Variants in DOCK2 observed in about 807,000 individuals in gnomAD.
The protein encoded by DOCK2 is dedicator of cytokinesis protein 2.
DOCK2 carries 87 observed loss-of-function variants against 248.9 expected under a neutral mutation model. That is an observed-to-expected ratio of 0.35 (90% CI 0.29 to 0.42). DOCK2 has a LOEUF of 0.42. Among genes scored for constraint, DOCK2 ranks in the 10% least tolerant of loss-of-function variants. The probability of loss-of-function intolerance (pLI) is 1.00; values close to 1 mark genes in which losing one functional copy is unlikely to be tolerated. For missense variants in DOCK2, 1,747 were observed against 2,300.2 expected (o/e 0.76, Z 4.92); for synonymous variants, 805 against 821.6 (o/e 0.98, Z 0.35).
At position 170,050,410 on chromosome 5, in the gene DOCK2, A is replaced by C; in HGVS notation, c.4213+13A>C. ...GCCCCAGGCCAGTGTATCCTTGGAG[A>C]ATGCCCTAGCCAAGGGGCCAGACCT... On this transcript the variant is annotated intron_variant, in intron 41 of 51. Transcript: ENST00000520908. 6.2e-7 allele frequency: 1 copy of C among 1,612,828 alleles called. No individual in the cohort carries two copies. The highest frequency in any genetic ancestry group is 8.5e-7 in the Non-Finnish European group (1 of 1,179,248).
At position 169,925,578 on chromosome 5, in the gene DOCK2, TTAAAAAAAAAAAAAAAAA is replaced by T. The variant is rs1775401877; in HGVS notation, c.2800-57489_2800-57472del. On this transcript the variant is annotated intron_variant, in intron 27 of 51. Coordinates refer to ENST00000520908, the MANE Select transcript of DOCK2 (RefSeq NM_004946.3). ...CTGGGCGACAGAGCAAGACTCTGTC[TTAAAAAAAAAAAAAAAAA>T]AAAAAAAAAGCATTGTCCTGGGGTG... Among the ~76,000 whole-genome samples the T allele has an allele frequency of 1.9e-4, 6 of 32,324 alleles. No homozygotes were observed. In the Admixed American group the frequency reaches 2.1e-3, roughly 11 times the overall value. The allele number at this position is 32,324 out of a possible 152,430, so 21.2% of individuals were successfully genotyped here.
At chr5:169,700,190 G>T (rs753528231) in intron 13 of DOCK2, 51 bp downstream of exon 13, 2 of 1,580,808 alleles carry the variant, frequency 1.3e-6, no homozygotes, top group Admixed American at 1.8e-5. Flanking sequence ...GGCCAATTCA[G>T]CTTGTCTAAT....
intron 28 of DOCK2, 71 bp from the exon 29 acceptor site, chr5:169,985,757 A>T: frequency 7.5e-7 from 1 of 1,326,750 alleles, no homozygotes; most frequent in Admixed American, 2.3e-5. Context: ...TAGCAAAAAA[A>T]TTTGAAGAGC....
chr5:170,063,021 T>C (rs1248912391), intron 44 of DOCK2, among the ~76,000 whole-genome samples: 2 of 152,210 alleles, frequency 1.3e-5, no homozygotes. Flanking sequence ...AAGGAGTCTG[T>C]GCACACATTG....
intron 23 of DOCK2, among the ~76,000 whole-genome samples, chr5:169,752,261 G>A (rs1182969195): frequency 6.6e-6 from 1 of 152,198 alleles, no homozygotes; most frequent in Non-Finnish European, 1.5e-5. Flanking sequence ...GATGGCACAA[G>A]TGGAATTAAA....
chr5:169,992,643 T>G (rs929912317), intron 29 of DOCK2, among the ~76,000 whole-genome samples: 5 of 152,152 alleles, frequency 3.3e-5, no homozygotes, highest in Non-Finnish European at 7.3e-5. Context: ...TTTTGTATTT[T>G]TAGTAGAAAT....
At chr5:169,858,566 G>C (rs903456793) in intron 27 of DOCK2, among the ~76,000 whole-genome samples, 1 of 152,194 alleles carries the variant, frequency 6.6e-6, no homozygotes. Context: ...GATGTGCAGG[G>C]CTTCGGGCCA....
chr5:169,793,266 C>A (rs751712913), intron 25 of DOCK2, among the ~76,000 whole-genome samples: 34 of 152,182 alleles, frequency 2.2e-4, no homozygotes, highest in Non-Finnish European at 3.8e-4. Flanking sequence ...ACTCTGCCTT[C>A]AAAAAATAAC....
At chr5:170,050,569 T>A (rs770482369) in intron 41 of DOCK2, among the ~76,000 whole-genome samples, 172 bp downstream of exon 41, 33 of 152,224 alleles carry the variant, frequency 2.2e-4, no homozygotes, top group Non-Finnish European at 3.8e-4. Context: ...TGGATCCTTT[T>A]CTGGACTCTT....
chr5:169,674,421 C>G lies in DOCK2; in HGVS notation c.446C>G (p.Thr149Arg). 6.2e-7 allele frequency: 1 copy of G among 1,614,120 alleles called. No homozygotes were observed. The highest frequency in any genetic ancestry group is 8.5e-7 in the Non-Finnish European group (1 of 1,179,994). Residue 149 changes from threonine to arginine, a missense_variant, in exon 6 of 52, where the codon ACG becomes AGG. By Grantham distance (71) the Thr-to-Arg change is moderately conservative. Coordinates refer to ENST00000520908, the MANE Select transcript of DOCK2 (RefSeq NM_004946.3). ...CTGAAGGAACTGAAGCAGAAAGTCACGTCCAAAATTGACTATGGCAACAAG... is the reference window on the plus strand; with the variant it reads ...CTGAAGGAACTGAAGCAGAAAGTCAGGTCCAAAATTGACTATGGCAACAAG... Reference protein sequence around the residue: ...DELKELKQKVTSKIDYGNKIL... With the variant: ...DELKELKQKVRSKIDYGNKIL...
At chr5:170,008,431 A>C in intron 30 of DOCK2, 66 bp from the exon 31 acceptor site, 1 of 1,520,378 alleles carries the variant, frequency 6.6e-7, no homozygotes, top group Non-Finnish European at 9.1e-7. Flanking sequence ...TATTCACACT[A>C]CCCAGCGCTT....
intron 1 of DOCK2, among the ~76,000 whole-genome samples, chr5:169,643,557 G>A (rs1460418068): frequency 6.6e-6 from 1 of 152,182 alleles, no homozygotes; most frequent in Non-Finnish European, 1.5e-5. Context: ...TGTGAGAATC[G>A]AATGCCCCTG....
intron 23 of DOCK2, among the ~76,000 whole-genome samples, chr5:169,758,599 C>T (rs148899009): frequency 6.6e-5 from 10 of 152,286 alleles, no homozygotes; most frequent in African/African-American, 2.2e-4. Context: ...GTGCAGCCTG[C>T]CTGAATTTGA....
intron 2 of DOCK2, among the ~76,000 whole-genome samples, chr5:169,655,570 C>G (rs571277759): frequency 6.6e-5 from 10 of 152,304 alleles, no homozygotes; most frequent in African/African-American, 2.4e-4. Flanking sequence ...TCACCACAAC[C>G]CACAGGACAG....
At chr5:169,875,397 C>A (rs1368485667) in intron 27 of DOCK2, 3 of 435,746 alleles carry the variant, frequency 6.9e-6, no homozygotes, top group African/African-American at 2.0e-5. Flanking sequence ...TCAATGTAAA[C>A]CCTCACGATG....
intron 2 of DOCK2, among the ~76,000 whole-genome samples, chr5:169,656,927 T>C (rs2113199117): frequency 6.6e-6 from 1 of 152,344 alleles, no homozygotes; most frequent in South Asian, 2.1e-4. Flanking sequence ...TTGGTTCTGG[T>C]TTTCCATTTC....
In DOCK2 at chr5:169,764,149, T is replaced by C. The variant is rs1183531610; in HGVS notation, c.2554+2524T>C. On this transcript the variant is annotated intron_variant, in intron 25 of 51. Coordinates refer to ENST00000520908, the MANE Select transcript of DOCK2 (RefSeq NM_004946.3). This position sits in a 1 kb window ranked among gnomAD's most constrained non-coding sequence, Gnocchi z 4.3. ...TCCTCCTGTTATTCTCCCTGTGAAG[T>C]GTCCTGTGCCTCGGGGACGTGATTT... is the stretch of plus-strand genomic sequence containing the variant. Among the ~76,000 whole-genome samples the C allele has an allele frequency of 6.6e-6, 1 of 152,236 alleles. No homozygotes were observed. Among genetic ancestry groups the C allele is most frequent in the Non-Finnish European group, 1.5e-5 (1 of 68,036 alleles).
At chr5:169,841,699 C>G (rs1198305918) in intron 27 of DOCK2, among the ~76,000 whole-genome samples, 1 of 152,218 alleles carries the variant, frequency 6.6e-6, no homozygotes, top group African/African-American at 2.4e-5. Flanking sequence ...GGCTTGCCTT[C>G]TCTGATCACC....
intron 26 of DOCK2, among the ~76,000 whole-genome samples, chr5:169,815,756 C>T (rs1768033351): frequency 1.3e-5 from 2 of 152,098 alleles, no homozygotes; most frequent in South Asian, 2.1e-4. Flanking sequence ...ATCACTCCTT[C>T]CCCCTAGTCC....
Sources: allele counts gnomAD v4.1 joint callset (sites outside exome capture counted in the v4.1 genomes callset), GRCh38; gene constraint gnomAD v4.1.1; non-coding constraint Gnocchi (gnomAD v3.1); transcripts MANE v1.5; gene names NCBI Gene and HGNC (gene_info 2026-07-23, HGNC 2026-07-21).